Variants in VPS53 observed in about 807,000 individuals in gnomAD.
The protein encoded by VPS53 is vacuolar protein sorting-associated protein 53 homolog.
A neutral mutation model predicts 107.0 loss-of-function variants in VPS53; 70 were observed. That is an observed-to-expected ratio of 0.65 (90% CI 0.54 to 0.80). The LOEUF (loss-of-function observed/expected upper bound fraction) is 0.80. Among genes scored for constraint, VPS53 ranks in the 30% least tolerant of loss-of-function variants. The pLI is 0.00. For missense variants in VPS53, 917 were observed against 1,049.4 expected, an observed-to-expected ratio of 0.87 and a Z score of 1.74; for synonymous variants, 409 against 393.3, an observed-to-expected ratio of 1.04 and a Z score of -0.47.
chr17:570,241 G>A (rs957314321), intron 13 of VPS53, among the ~76,000 whole-genome samples: 3 of 151,524 alleles, frequency 2.0e-5, no homozygotes, highest in African/African-American at 7.3e-5. Flanking sequence ...GCAGTGGCGG[G>A]TACCTGTAAT....
rs1481181187 is a variant in VPS53, at chr17:625,083, G to T, written c.975-1409C>A. On this transcript the variant is annotated intron_variant, in intron 10 of 21. Coordinates refer to ENST00000437048, the MANE Select transcript of VPS53 (RefSeq NM_001128159.3). ...AATGGCCTACTGCAACCTTGACCTG[G>T]GCTCAAGCAATCCTCCCACCTCAGC... Among the ~76,000 whole-genome samples the T allele has an allele frequency of 2.0e-5, 3 of 151,132 alleles. 1 individual carries two copies. Among genetic ancestry groups the T allele is most frequent in the Admixed American group, 6.6e-5 (1 of 15,122 alleles).
Position 508,714 on chromosome 17 carries a change from A to G in VPS53, c.*10414T>C, listed in dbSNP as rs1907748946. 6.6e-6 allele frequency: 1 copy of G among 152,168 alleles called. No homozygotes were observed. Among genetic ancestry groups the G allele is most frequent in the Admixed American group, 6.5e-5 (1 of 15,282 alleles). The allele number at this position is 152,168 out of a possible 1,614,324, so 9.4% of individuals were successfully genotyped here. A position where few individuals can be genotyped will look rare whatever the true frequency, so the allele number is the denominator to read the frequency against. On this transcript the variant is annotated 3_prime_UTR_variant, in exon 22 of 22. Coordinates refer to ENST00000437048, the MANE Select transcript of VPS53 (RefSeq NM_001128159.3). ...ATTGAAGAGCCTCTACCATTGCAAGAAGAGCTGTTTAAAACAAAACAAAAT... is the reference window on the plus strand; with the variant it reads ...ATTGAAGAGCCTCTACCATTGCAAGGAGAGCTGTTTAAAACAAAACAAAAT...
intron 4 of VPS53, chr17:673,663 T>C (rs1387782696): frequency 6.6e-6 from 1 of 152,212 alleles, no homozygotes; most frequent in Admixed American, 6.5e-5. Flanking sequence ...TCACTGATGT[T>C]TACACAAATT....
intron 12 of VPS53, 77 bp downstream of exon 12, chr17:601,718 C>T (rs1010015921): frequency 4.6e-5 from 52 of 1,140,254 alleles, no homozygotes; most frequent in Non-Finnish European, 6.3e-5. Flanking sequence ...GCCAAAGGAT[C>T]GTATCTGGAG....
intron 7 of VPS53, among the ~76,000 whole-genome samples, chr17:651,331 A>C (rs1970940327): frequency 1.3e-5 from 2 of 152,224 alleles, no homozygotes; most frequent in Non-Finnish European, 2.9e-5. Flanking sequence ...AAACAATAGA[A>C]GATGTGGAAC....
intron 5 of VPS53, among the ~76,000 whole-genome samples, chr17:656,376 A>C (rs1398690553): frequency 6.6e-6 from 1 of 152,158 alleles, no homozygotes; most frequent in Non-Finnish European, 1.5e-5. Context: ...GGTCTTTACT[A>C]ATGGAATGAG....
chr17:560,604 T>A (rs1912859801), intron 14 of VPS53, 31 bp from the exon 15 acceptor site: 1 of 1,595,048 alleles, frequency 6.3e-7, no homozygotes, highest in Admixed American at 1.8e-5. Flanking sequence ...CAAGTCAGCA[T>A]GGAATTTCTA....
chr17:582,627 T>G (rs970793766), intron 13 of VPS53, among the ~76,000 whole-genome samples: 6 of 141,028 alleles, frequency 4.3e-5, no homozygotes, highest in African/African-American at 1.6e-4. Flanking sequence ...CCAGAGAAAC[T>G]CCCTCAGACC....
In VPS53 at chr17:618,232, GC is replaced by G. The variant is rs1252636561; in HGVS notation, c.1116+5300del. Among the ~76,000 whole-genome samples, 621 of 83,870 alleles carry G rather than the reference GC, an allele frequency of 7.4e-3. 210 individuals carry two copies. The highest frequency in any genetic ancestry group is 0.011 in the Non-Finnish European group (398 of 35,614). 55.0% of individuals were successfully genotyped at this position (83,870 alleles called of 152,430 possible). ...ACGCCCCACTAATATTTCCCGGGTAGCTGGGACTACAGGCGTGCACCACCAC... is the reference window on the plus strand; with the variant it reads ...ACGCCCCACTAATATTTCCCGGGTAGTGGGACTACAGGCGTGCACCACCAC... On this transcript the variant is annotated intron_variant, in intron 11 of 21. Transcript: ENST00000437048.
chr17:546,869 C>CTTTTTT (rs1567613746), intron 17 of VPS53, among the ~76,000 whole-genome samples: 1 of 116,616 alleles, frequency 8.6e-6, no homozygotes. Context: ...TCCCTTAGAT[C>CTTTTTT]CTTTTTTTTT....
At chr17:580,925 C>T (rs1597336018) in intron 13 of VPS53, among the ~76,000 whole-genome samples, 1 of 151,008 alleles carries the variant, frequency 6.6e-6, no homozygotes, top group Admixed American at 6.6e-5. Flanking sequence ...AGAGACCCTC[C>T]CTCAAGACCT....
rs71371545 is a variant in VPS53, at chr17:546,329, T to TCACACACACACACA, written c.1866+5529_1866+5542dup. Among the ~76,000 whole-genome samples the TCACACACACACACA allele has an allele frequency of 5.2e-4, 69 of 131,970 alleles. 1 individual carries two copies. Among genetic ancestry groups the TCACACACACACACA allele is most frequent in the African/African-American group, 9.0e-4 (31 of 34,494 alleles). The allele number at this position is 131,970 out of a possible 152,430, so 86.6% of individuals were successfully genotyped here. A position where few individuals can be genotyped will look rare whatever the true frequency, so the allele number is the denominator to read the frequency against. On this transcript the variant is annotated intron_variant, in intron 17 of 21. Transcript: ENST00000437048. Reference sequence around the variant, plus strand: ...ATCAGGCAATGGTATCTTAGATATCTCACACACACACACACACACACACAC... The same window carrying TCACACACACACACA: ...ATCAGGCAATGGTATCTTAGATATCTCACACACACACACACACACACACACACACACACACACAC...
chr17:657,541 G>A (rs930946418), intron 5 of VPS53: 23 of 1,245,512 alleles, frequency 1.8e-5, no homozygotes, highest in Admixed American at 3.4e-5. Context: ...TTGGCACCAC[G>A]AGCCATGGCT....
chr17:554,157 C>T (rs2151841185), intron 15 of VPS53, among the ~76,000 whole-genome samples: 1 of 152,218 alleles, frequency 6.6e-6, no homozygotes, highest in East Asian at 1.9e-4. Context: ...GTAAAACCAG[C>T]TAAAATAGTC....
intron 11 of VPS53, among the ~76,000 whole-genome samples, chr17:613,323 C>A (rs1968981850): frequency 1.3e-5 from 2 of 150,130 alleles, no homozygotes; most frequent in African/African-American, 4.9e-5. Context: ...ACAGTGAAAA[C>A]CTGTACAAAT....
chr17:581,100 C>T (rs1410704991), intron 13 of VPS53, among the ~76,000 whole-genome samples: 4 of 151,482 alleles, frequency 2.6e-5, no homozygotes, highest in African/African-American at 4.8e-5. Flanking sequence ...GGACCTAATG[C>T]ATTCCCAGAG....
chr17:641,323 G>T (rs1392140209), intron 7 of VPS53, among the ~76,000 whole-genome samples: 1 of 152,212 alleles, frequency 6.6e-6, no homozygotes, highest in African/African-American at 2.4e-5. Context: ...TAGGATTCTA[G>T]AAAGAAGTCA....
rs917258842 is a variant in VPS53 at position 509,042 on chromosome 17, G to A, written c.*10086C>T. 6.6e-6 allele frequency: 1 copy of A among 152,240 alleles called. No homozygotes were observed. The highest frequency in any genetic ancestry group is 1.5e-5 in the Non-Finnish European group (1 of 68,122). The allele number at this position is 152,240 out of a possible 1,614,324, so 9.4% of individuals were successfully genotyped here. ...AAAAGGCATGGATGTTGGAATGAAGGCTGGAGCCAAATCCTGGCTCGCCCC... is the reference window on the plus strand; with the variant it reads ...AAAAGGCATGGATGTTGGAATGAAGACTGGAGCCAAATCCTGGCTCGCCCC... On this transcript the variant is annotated 3_prime_UTR_variant, in exon 22 of 22. Transcript: ENST00000437048.
At chr17:556,902 G>A (rs1322275583) in intron 15 of VPS53, among the ~76,000 whole-genome samples, 1 of 149,400 alleles carries the variant, frequency 6.7e-6, no homozygotes, top group African/African-American at 2.5e-5. Flanking sequence ...GGCCAGGAGG[G>A]CCTCTCTGCT....
Sources: allele counts gnomAD v4.1 joint callset (sites outside exome capture counted in the v4.1 genomes callset), GRCh38; gene constraint gnomAD v4.1.1; transcripts MANE v1.5; gene names NCBI Gene and HGNC (gene_info 2026-07-23, HGNC 2026-07-21).